The following DPYSL3 variants were observed in gnomAD, a reference collection of about 807,000 sequenced individuals.
The protein encoded by DPYSL3 is dihydropyrimidinase-related protein 3.
DPYSL3 carries 16 observed loss-of-function variants against 66.1 expected under a neutral mutation model. That is an observed-to-expected ratio of 0.24 (90% CI 0.16 to 0.37). DPYSL3 has a LOEUF of 0.37. Ranked by LOEUF, DPYSL3 falls within the 10% of genes least tolerant of loss-of-function variation. DPYSL3 has a pLI of 1.00. For missense variants in DPYSL3, 738 were observed against 916.2 expected, an observed-to-expected ratio of 0.81 and a Z score of 2.51; for synonymous variants, 338 against 345.1, an observed-to-expected ratio of 0.98 and a Z score of 0.23.
Position 147,408,603 on chromosome 5 carries a change from G to C in DPYSL3, c.1032+125C>G, listed in dbSNP as rs184734050. ...AATTTTCTCACGGGCTCCTGAGTTA[G>C]AGTCAATCAGAAGTGGTCTTTGGAA... On this transcript the variant is annotated intron_variant, in intron 7 of 13. Coordinates refer to ENST00000343218, the MANE Select transcript of DPYSL3 (RefSeq NM_001197294.2). 4.8e-3 allele frequency: 4,684 copies of C among 965,934 alleles called. 142 individuals are homozygous for C. The African/African-American group carries it at 0.068, about 14-fold the overall frequency. The allele number at this position is 965,934 out of a possible 1,614,324, so 59.8% of individuals were successfully genotyped here. A position where few individuals can be genotyped will look rare whatever the true frequency, so the allele number is the denominator to read the frequency against.
chr5:147,396,102 A>G (rs572122883), intron 12 of DPYSL3, among the ~76,000 whole-genome samples: 49 of 152,204 alleles, frequency 3.2e-4, no homozygotes, highest in African/African-American at 1.2e-3. Flanking sequence ...AAATAGAAGA[A>G]CAGCAGTACA....
intron 1 of DPYSL3, among the ~76,000 whole-genome samples, chr5:147,496,703 C>A (rs1373525187): frequency 6.6e-6 from 1 of 152,034 alleles, no homozygotes; most frequent in African/African-American, 2.4e-5. Flanking sequence ...CAATGAGATA[C>A]CATCTCACAC....
chr5:147,453,747 C>T, intron 1 of DPYSL3: 1 of 1,315,864 alleles, frequency 7.6e-7, no homozygotes, highest in Non-Finnish European at 9.7e-7. Context: ...CCCGGGCTCC[C>T]GCGGCGGCTG....
At chr5:147,478,788 G>A (rs999055252) in intron 1 of DPYSL3, among the ~76,000 whole-genome samples, 5 of 152,096 alleles carry the variant, frequency 3.3e-5, no homozygotes, top group African/African-American at 7.2e-5. Flanking sequence ...ATCTGTCTGT[G>A]GGACCTTGGG....
At chr5:147,420,934 A>C (rs765044394) in intron 2 of DPYSL3, among the ~76,000 whole-genome samples, 3 of 152,166 alleles carry the variant, frequency 2.0e-5, no homozygotes, top group Non-Finnish European at 4.4e-5. Context: ...AAGTTCTGTG[A>C]TCAGACAAGA....
At chr5:147,395,529 C>T in intron 13 of DPYSL3, 30 bp downstream of exon 13, 1 of 1,589,230 alleles carries the variant, frequency 6.3e-7, no homozygotes, top group East Asian at 2.3e-5. Flanking sequence ...TCCCCCTTCT[C>T]TTATCTTTTG....
chr5:147,467,235 T>G (rs1224573438), intron 1 of DPYSL3, among the ~76,000 whole-genome samples: 1 of 152,208 alleles, frequency 6.6e-6, no homozygotes, highest in Non-Finnish European at 1.5e-5. Flanking sequence ...TGAAAAACCT[T>G]AGCCTTACTT....
intron 1 of DPYSL3, among the ~76,000 whole-genome samples, chr5:147,427,296 G>A (rs138959865): frequency 6.6e-6 from 1 of 152,232 alleles, no homozygotes; most frequent in African/African-American, 2.4e-5. Flanking sequence ...GCTATCTCCT[G>A]ACTAAACCAA....
At chr5:147,435,824 A>T (rs1047129181) in intron 1 of DPYSL3, among the ~76,000 whole-genome samples, 1 of 152,236 alleles carries the variant, frequency 6.6e-6, no homozygotes, top group Non-Finnish European at 1.5e-5. Flanking sequence ...TTAACAAAGA[A>T]ATTACTTAAC....
intron 13 of DPYSL3, among the ~76,000 whole-genome samples, chr5:147,394,681 AC>A (rs1047990327): frequency 6.5e-5 from 9 of 137,904 alleles, no homozygotes; most frequent in South Asian, 4.9e-4. Context: ...AACAACAACA[AC>A]AAAAAAAAAA....
chr5:147,407,161 C>T (rs1324878992), intron 7 of DPYSL3, among the ~76,000 whole-genome samples: 1 of 152,122 alleles, frequency 6.6e-6, no homozygotes, highest in African/African-American at 2.4e-5. Flanking sequence ...ATGCTGACCA[C>T]TTCAGCTCCC....
intron 1 of DPYSL3, chr5:147,453,748 G>A (rs1308795389): frequency 7.7e-6 from 10 of 1,298,954 alleles, no homozygotes; most frequent in South Asian, 2.1e-5. Flanking sequence ...CCGGGCTCCC[G>A]CGGCGGCTGC....
chr5:147,434,781 C>T (rs1274231681), intron 1 of DPYSL3, among the ~76,000 whole-genome samples: 4 of 152,060 alleles, frequency 2.6e-5, no homozygotes, highest in East Asian at 3.9e-4. Context: ...GGTGAGTAAG[C>T]GGAGCACTGA....
chr5:147,471,938 A>T (rs1261445314), intron 1 of DPYSL3, among the ~76,000 whole-genome samples: 11 of 151,438 alleles, frequency 7.3e-5, no homozygotes, highest in Admixed American at 7.2e-4. Context: ...TTCTTCTCCC[A>T]CTCCTCTCAG....
intron 1 of DPYSL3, among the ~76,000 whole-genome samples, chr5:147,492,675 A>G (rs1373472760): frequency 1.3e-5 from 2 of 152,194 alleles, no homozygotes; most frequent in Non-Finnish European, 2.9e-5. Flanking sequence ...AAAAAGAAGT[A>G]TAAATGATAT....
intron 1 of DPYSL3, among the ~76,000 whole-genome samples, chr5:147,499,417 A>C (rs1240669966): frequency 6.6e-6 from 1 of 152,162 alleles, no homozygotes; most frequent in African/African-American, 2.4e-5. Context: ...TGGAAATGAA[A>C]TACTTAGGTA....
intron 1 of DPYSL3, among the ~76,000 whole-genome samples, chr5:147,437,657 C>G (rs770022473): frequency 6.6e-5 from 10 of 152,170 alleles, no homozygotes; most frequent in Non-Finnish European, 1.2e-4. Flanking sequence ...TTTGCTCTGC[C>G]TTGTAGTCCA....
chr5:147,415,870 T>G lies in DPYSL3; in HGVS notation c.659A>C (p.Asp220Ala). 1 of 1,613,454 alleles carries G rather than the reference T, an allele frequency of 6.2e-7. No individual in the cohort carries two copies. The highest frequency in any genetic ancestry group is 8.5e-7 in the Non-Finnish European group (1 of 1,179,762). The change falls in exon 4 of 14, where the codon GAC (aspartate) becomes GCC (alanine). Residue 220 changes from aspartate to alanine, a missense_variant. Transcript: ENST00000343218. ...GGACTCAGGCTCAGGCACCACATGG[T>G]CAACTGAATGACAGAGACCCCAGAT... is the stretch of plus-strand genomic sequence containing the variant. Reference protein sequence around the residue: ...ALAGGTTMIIDHVVPEPESSL... With the variant: ...ALAGGTTMIIAHVVPEPESSL...
In DPYSL3 at chr5:147,393,098, G is replaced by A. The variant is rs1194921427; in HGVS notation, c.*937C>T. 1 of 152,118 alleles carries A rather than the reference G, an allele frequency of 6.6e-6. No individual in the cohort carries two copies. Among genetic ancestry groups the A allele is most frequent in the East Asian group, 1.9e-4 (1 of 5,184 alleles). The allele number at this position is 152,118 out of a possible 1,614,324, so 9.4% of individuals were successfully genotyped here. ...ATGCCAGAAGCATGCCACTCTTCTCGGTTTGCAAAGACAGAAGAGTGAGAG... is the reference window on the plus strand; with the variant it reads ...ATGCCAGAAGCATGCCACTCTTCTCAGTTTGCAAAGACAGAAGAGTGAGAG... On this transcript the variant is annotated 3_prime_UTR_variant, in exon 14 of 14. Coordinates refer to ENST00000343218, the MANE Select transcript of DPYSL3 (RefSeq NM_001197294.2).
Sources: allele counts gnomAD v4.1 joint callset (sites outside exome capture counted in the v4.1 genomes callset), GRCh38; gene constraint gnomAD v4.1.1; transcripts MANE v1.5; gene names NCBI Gene and HGNC (gene_info 2026-07-23, HGNC 2026-07-21).